GPAM: variants seen among roughly 807,000 people sequenced by gnomAD.
The protein encoded by GPAM is glycerol-3-phosphate acyltransferase, mitochondrial.
Under a neutral mutation model 105.0 loss-of-function variants are expected in GPAM, and 56 were observed. The ratio of observed to expected loss-of-function variants is 0.53; its 90% CI spans 0.43 to 0.67. GPAM has a LOEUF of 0.67. Ranked by LOEUF, GPAM falls within the 30% of genes least tolerant of loss-of-function variation. The pLI is 0.00. For synonymous variants in GPAM, 368 were observed against 354.4 expected, an observed-to-expected ratio of 1.04 and a Z score of -0.43; for missense variants, 855 against 989.8, an observed-to-expected ratio of 0.86 and a Z score of 1.83.
At chr10:112,168,705 C>T in intron 10 of GPAM, 148 bp downstream of exon 10, 2 of 733,998 alleles carry the variant, frequency 2.7e-6, no homozygotes, top group South Asian at 3.0e-5. Flanking sequence ...ACAACAACAA[C>T]AACAACAACA....
At chr10:112,191,468 G>C (rs1167768932) in intron 1 of GPAM, among the ~76,000 whole-genome samples, 1 of 152,220 alleles carries the variant, frequency 6.6e-6, no homozygotes, top group Non-Finnish European at 1.5e-5. Context: ...GGGATAACTA[G>C]CAGAGCAGTG....
rs1846898711 is a variant in GPAM, at chr10:112,150,627, A to C, written c.*2923T>G. 1 of 911,506 alleles carries C rather than the reference A, an allele frequency of 1.1e-6. No individual in the cohort carries two copies. The highest frequency in any genetic ancestry group is 5.0e-5 in the South Asian group (1 of 19,840). 56.5% of individuals were successfully genotyped at this position (911,506 alleles called of 1,614,324 possible). ...TTAGTGAGAGGTTCATAAGTATCCC[A>C]AAGGAGAAAAAGGTCCTGGTGTCAA... On this transcript the variant is annotated 3_prime_UTR_variant, in exon 22 of 22. Coordinates refer to ENST00000348367, the MANE Select transcript of GPAM (RefSeq NM_001244949.2).
upstream of GPAM, among the ~76,000 whole-genome samples, chr10:112,218,932 G>C (rs1460416930): frequency 6.6e-6 from 1 of 152,196 alleles, no homozygotes; most frequent in Non-Finnish European, 1.5e-5. Context: ...TGGTTTTGGT[G>C]GGTGTTAGCC....
intron 1 of GPAM, among the ~76,000 whole-genome samples, chr10:112,202,109 T>G (rs1847804660): frequency 6.6e-6 from 1 of 152,232 alleles, no homozygotes; most frequent in Non-Finnish European, 1.5e-5. Context: ...ACACTCATTC[T>G]CTAAGTCAAA....
At chr10:112,212,176 C>G (rs1847917925) in intron 1 of GPAM, among the ~76,000 whole-genome samples, 1 of 152,152 alleles carries the variant, frequency 6.6e-6, no homozygotes, top group Admixed American at 6.6e-5. Context: ...GGGAGAAAAC[C>G]CCAACTCAGT....
At chr10:112,158,074 G>T (rs1459527759) in intron 18 of GPAM, among the ~76,000 whole-genome samples, 1 of 152,152 alleles carries the variant, frequency 6.6e-6, no homozygotes, top group Non-Finnish European at 1.5e-5. Flanking sequence ...GGGATTACAG[G>T]TGTGTGCCAC....
intron 20 of GPAM, chr10:112,155,488 A>T (rs1289234448): frequency 4.1e-6 from 1 of 245,262 alleles, no homozygotes; most frequent in Non-Finnish European, 7.8e-6. Context: ...TCACCAAAAG[A>T]CATATTCAAA....
chr10:112,176,320 T>C (rs748600478), intron 5 of GPAM, among the ~76,000 whole-genome samples: 4 of 152,200 alleles, frequency 2.6e-5, no homozygotes, highest in Non-Finnish European at 4.4e-5. Flanking sequence ...ACCTGAGGGA[T>C]AGAACATATT....
At chr10:112,170,447 AG>A (rs1255036152) in intron 9 of GPAM, among the ~76,000 whole-genome samples, 2 of 152,238 alleles carry the variant, frequency 1.3e-5, no homozygotes, top group African/African-American at 4.8e-5. Flanking sequence ...AGTCCATGAA[AG>A]GGAAGTTGGA....
Position 112,150,607 on chromosome 10 carries a change from G to C in GPAM, c.*2943C>G. 2 of 944,504 alleles carry C rather than the reference G, an allele frequency of 2.1e-6. No homozygotes were observed. The highest frequency in any genetic ancestry group is 2.5e-6 in the Non-Finnish European group (2 of 792,668). 58.5% of individuals were successfully genotyped at this position (944,504 alleles called of 1,614,324 possible). ...AAAATGTTCTCCACAGGACATTAGT[G>C]AGAGGTTCATAAGTATCCCAAAGGA... On this transcript the variant is annotated 3_prime_UTR_variant, in exon 22 of 22. Coordinates refer to ENST00000348367, the MANE Select transcript of GPAM (RefSeq NM_001244949.2).
At chr10:112,210,421 C>T (rs1847898499) in intron 1 of GPAM, among the ~76,000 whole-genome samples, 4 of 152,164 alleles carry the variant, frequency 2.6e-5, no homozygotes, top group Admixed American at 6.5e-5. Flanking sequence ...CTCAGTTTCC[C>T]CACCATTATT....
At position 112,158,333 on chromosome 10, in the gene GPAM, T is replaced by G; in HGVS notation, c.1963A>C (p.Ile655Leu). ...ETVGKFIQYGILTVAEHDDQE... is the reference protein window; with the variant it reads ...ETVGKFIQYGLLTVAEHDDQE... ...CCTCTTACCTCTGCCACTGTAAGAA[T>G]GCCATACTGGATAAACTTTCCTACT... Residue 655 changes from isoleucine (I) to leucine (L), a missense_variant, in exon 18 of 22, where the codon ATT becomes CTT. Coordinates refer to ENST00000348367, the MANE Select transcript of GPAM (RefSeq NM_001244949.2). 1 of 1,591,142 alleles carries G rather than the reference T, an allele frequency of 6.3e-7. No individual in the cohort carries two copies. The highest frequency in any genetic ancestry group is 8.6e-7 in the Non-Finnish European group (1 of 1,158,970).
At chr10:112,223,654 T>A in the GPAM span, among the ~76,000 whole-genome samples, 2 of 152,214 alleles carry the variant, frequency 1.3e-5, no homozygotes, top group Non-Finnish European at 2.9e-5. Flanking sequence ...TATATTTATG[T>A]TTTTTAGAAG....
chr10:112,198,223 C>T (rs1847748643), intron 1 of GPAM, among the ~76,000 whole-genome samples: 1 of 152,192 alleles, frequency 6.6e-6, no homozygotes, highest in African/African-American at 2.4e-5. Flanking sequence ...CCAGTCCCCT[C>T]AAAGTCTGAA....
chr10:112,202,544 A>G (rs1589609048), intron 1 of GPAM, among the ~76,000 whole-genome samples: 1 of 152,372 alleles, frequency 6.6e-6, no homozygotes, highest in East Asian at 1.9e-4. Flanking sequence ...TGACTGAATT[A>G]TAACCATCAC....
rs546958313 is a variant in GPAM at position 112,150,132 on chromosome 10, G to T, written c.*3418C>A. 2 of 984,054 alleles carry T rather than the reference G, an allele frequency of 2.0e-6. No individual in the cohort carries two copies. Among genetic ancestry groups the T allele is most frequent in the African/African-American group, 3.5e-5 (2 of 57,196 alleles). 61.0% of individuals were successfully genotyped at this position (984,054 alleles called of 1,614,324 possible). A position where few individuals can be genotyped will look rare whatever the true frequency, so the allele number is the denominator to read the frequency against. ...GAATCTCTTTCAAATGCAATCATTA[G>T]TTTGTATTAAACTAAAATGCCAGAC... is the stretch of plus-strand genomic sequence containing the variant. On this transcript the variant is annotated 3_prime_UTR_variant, in exon 22 of 22. Coordinates refer to ENST00000348367, the MANE Select transcript of GPAM (RefSeq NM_001244949.2).
At chr10:112,177,877 C>T (rs1404792086) in intron 5 of GPAM, 107 bp downstream of exon 5, 6 of 680,302 alleles carry the variant, frequency 8.8e-6, no homozygotes, top group Non-Finnish European at 1.6e-5. Flanking sequence ...AACTCATATT[C>T]TATTCACTCT....
chr10:112,216,507 G>C (rs55950126), upstream of GPAM, among the ~76,000 whole-genome samples: 5 of 152,360 alleles, frequency 3.3e-5, no homozygotes, highest in Non-Finnish European at 7.3e-5. Context: ...ATCCAAGTCA[G>C]AGGGACAAGT....
the GPAM span, among the ~76,000 whole-genome samples, chr10:112,224,611 A>C: frequency 2.0e-5 from 3 of 152,048 alleles, no homozygotes; most frequent in Admixed American, 1.3e-4. Flanking sequence ...CTTCTCCTTG[A>C]AGCTGTTTGT....
Sources: gnomAD v4.1 joint callset for allele counts (sites outside exome capture counted in the v4.1 genomes callset) on GRCh38, gnomAD v4.1.1 for gene constraint, MANE v1.5 for transcripts, NCBI Gene and HGNC (gene_info 2026-07-23, HGNC 2026-07-21) for gene names.